Variants in CHODL observed in about 807,000 individuals in gnomAD.
CHODL encodes the protein chondrolectin.
A neutral mutation model predicts 34.5 loss-of-function variants in CHODL; 29 were observed. The ratio of observed to expected loss-of-function variants is 0.84; its 90% CI spans 0.63 to 1.15. The LOEUF (loss-of-function observed/expected upper bound fraction) is 1.15. Among genes scored for constraint, CHODL ranks in the 50% most tolerant of loss-of-function variants. The probability of loss-of-function intolerance (pLI) is 0.00; values close to 1 mark genes in which losing one functional copy is unlikely to be tolerated. For synonymous variants in CHODL, 125 were observed against 116.1 expected (o/e 1.08, Z -0.49); for missense variants, 332 against 332.5 (o/e 1.00, Z 0.01).
At chr21:17,933,404 A>T (rs889718618) in intron 1 of CHODL, among the ~76,000 whole-genome samples, 28 of 152,312 alleles carry the variant, frequency 1.8e-4, no homozygotes, top group Admixed American at 3.3e-4. Context: ...GCAGTGTTTG[A>T]GTCCCTGGGT....
chr21:18,228,506 T>C (rs1021040654), intron 2 of CHODL, among the ~76,000 whole-genome samples: 5 of 152,192 alleles, frequency 3.3e-5, no homozygotes, highest in African/African-American at 1.2e-4. Flanking sequence ...GGCATCTGGC[T>C]GGCAGTTCCT....
chr21:18,149,282 C>A (rs1393126747), intron 2 of CHODL, among the ~76,000 whole-genome samples: 1 of 152,150 alleles, frequency 6.6e-6, no homozygotes, highest in Non-Finnish European at 1.5e-5. Flanking sequence ...CTGAATGGAC[C>A]ATCCTCACAC....
At chr21:18,106,724 T>C (rs1406838681) in intron 2 of CHODL, among the ~76,000 whole-genome samples, 1 of 152,158 alleles carries the variant, frequency 6.6e-6, no homozygotes, top group Non-Finnish European at 1.5e-5. Flanking sequence ...CTCAATCTCC[T>C]GACCTTGTGA....
At chr21:17,944,808 C>G (rs140755718) in intron 1 of CHODL, among the ~76,000 whole-genome samples, 1 of 152,220 alleles carries the variant, frequency 6.6e-6, no homozygotes, top group Non-Finnish European at 1.5e-5. Flanking sequence ...AAAACATTAT[C>G]CCTTCCAAAG....
intron 2 of CHODL, among the ~76,000 whole-genome samples, chr21:18,043,531 A>C (rs1048164631): frequency 6.6e-6 from 1 of 151,982 alleles, no homozygotes; most frequent in African/African-American, 2.4e-5. Flanking sequence ...ACTTGTACTA[A>C]GTAAGCACAG....
At chr21:17,986,070 A>C (rs1024409583) in intron 1 of CHODL, among the ~76,000 whole-genome samples, 4 of 152,060 alleles carry the variant, frequency 2.6e-5, no homozygotes, top group African/African-American at 9.7e-5. Flanking sequence ...TCAACATAGG[A>C]ATTTTGGAAG....
intron 1 of CHODL, among the ~76,000 whole-genome samples, chr21:17,971,129 A>C (rs542464075): frequency 3.2e-4 from 48 of 152,302 alleles, no homozygotes; most frequent in Non-Finnish European, 6.3e-4. Context: ...TATCCAGTCT[A>C]TCACTGATGG....
At chr21:18,192,861 A>C (rs1164350407) in intron 2 of CHODL, among the ~76,000 whole-genome samples, 1 of 152,036 alleles carries the variant, frequency 6.6e-6, no homozygotes, top group Non-Finnish European at 1.5e-5. Flanking sequence ...ATGAGCCTTT[A>C]AAATTTATGA....
At chr21:18,171,092 G>T (rs539716238) in intron 2 of CHODL, among the ~76,000 whole-genome samples, 1 of 118,492 alleles carries the variant, frequency 8.4e-6, no homozygotes, top group Non-Finnish European at 1.7e-5. Context: ...AATTATTTTG[G>T]TAATTTATAA....
intron 1 of CHODL, among the ~76,000 whole-genome samples, chr21:17,948,217 A>G (rs2063427653): frequency 6.6e-6 from 1 of 152,144 alleles, no homozygotes; most frequent in Non-Finnish European, 1.5e-5. Flanking sequence ...ATTTTTAGGT[A>G]ATGGTACTCG....
chr21:18,244,190 C>A (rs945169027), upstream of CHODL, among the ~76,000 whole-genome samples: 8 of 152,178 alleles, frequency 5.3e-5, no homozygotes, highest in Non-Finnish European at 1.0e-4. Context: ...TTCATTTTAC[C>A]TCCAGGAAAT....
At chr21:17,941,546 T>G (rs1214203796) in intron 1 of CHODL, among the ~76,000 whole-genome samples, 1 of 151,824 alleles carries the variant, frequency 6.6e-6, no homozygotes, top group Non-Finnish European at 1.5e-5. Context: ...CATTGACTAG[T>G]ATTTTATTGA....
At chr21:17,932,605 TC>T (rs59069772) in intron 1 of CHODL, among the ~76,000 whole-genome samples, 152,346 of 152,346 alleles carry the variant, frequency 1, 76,173 homozygotes, top group Non-Finnish European at 1. Flanking sequence ...GTATATATAC[TC>T]CCGTGAAATG....
At chr21:18,179,674 T>C (rs2073358725) in intron 2 of CHODL, among the ~76,000 whole-genome samples, 1 of 152,280 alleles carries the variant, frequency 6.6e-6, no homozygotes, top group Non-Finnish European at 1.5e-5. Context: ...TCCACTCTCC[T>C]TTTCCTTGTA....
intron 1 of CHODL, among the ~76,000 whole-genome samples, chr21:17,930,990 C>A (rs1335989599): frequency 6.6e-6 from 1 of 152,198 alleles, no homozygotes; most frequent in Admixed American, 6.5e-5. Flanking sequence ...ACAGTGTCTG[C>A]CTGAACTGAG....
chr21:18,096,263 G>T (rs1434201396), intron 2 of CHODL, among the ~76,000 whole-genome samples: 1 of 152,052 alleles, frequency 6.6e-6, no homozygotes, highest in Admixed American at 6.6e-5. Context: ...TGTGTTATCT[G>T]TACAAATTGT....
intron 2 of CHODL, among the ~76,000 whole-genome samples, chr21:18,219,490 A>G (rs925463445): frequency 1.3e-5 from 2 of 152,084 alleles, no homozygotes; most frequent in Non-Finnish European, 2.9e-5. Flanking sequence ...CAGCCAAACC[A>G]TATCAACCTT....
At chr21:17,942,229 G>T (rs934145717) in intron 1 of CHODL, among the ~76,000 whole-genome samples, 2 of 152,168 alleles carry the variant, frequency 1.3e-5, no homozygotes, top group Non-Finnish European at 2.9e-5. Flanking sequence ...AGTATAATAT[G>T]GTTTGGCTGT....
At chr21:18,117,722 A>C (rs1447856635) in intron 2 of CHODL, among the ~76,000 whole-genome samples, 1 of 132,174 alleles carries the variant, frequency 7.6e-6, no homozygotes, top group Non-Finnish European at 1.7e-5. Flanking sequence ...TAAATAAATA[A>C]ATAAGAAGAA....
Sources: allele counts gnomAD v4.1 joint callset (sites outside exome capture counted in the v4.1 genomes callset), GRCh38; gene constraint gnomAD v4.1.1; transcripts MANE v1.5; gene names NCBI Gene and HGNC (gene_info 2026-07-23, HGNC 2026-07-21).